DLGAP1: variants seen among roughly 807,000 people sequenced by gnomAD.
The protein encoded by DLGAP1 is disks large-associated protein 1.
In DLGAP1, 11 loss-of-function variants were observed where a neutral mutation model predicts 90.8. That is an observed-to-expected ratio of 0.12 (90% CI 0.08 to 0.20). The LOEUF (loss-of-function observed/expected upper bound fraction) is 0.20. DLGAP1 is among the 10% of genes least tolerant of loss of function. The pLI is 1.00. For synonymous variants in DLGAP1, 558 were observed against 540.7 expected, an observed-to-expected ratio of 1.03 and a Z score of -0.44; for missense variants, 1,050 against 1,333.8, an observed-to-expected ratio of 0.79 and a Z score of 3.31.
chr18:3,604,071 G>GT (rs1398436225), intron 7 of DLGAP1: 28 of 154,262 alleles, frequency 1.8e-4, no homozygotes, highest in African/African-American at 6.2e-4. Context: ...TCGTGAACTA[G>GT]TGATTGTGAA....
intron 3 of DLGAP1, among the ~76,000 whole-genome samples, chr18:3,987,979 A>G (rs1237802543): frequency 1.3e-5 from 2 of 152,186 alleles, no homozygotes; most frequent in Non-Finnish European, 2.9e-5. Context: ...GGATGATTCA[A>G]GCCCATTACA....
At chr18:4,304,984 G>T (rs1246369641) in intron 1 of DLGAP1, among the ~76,000 whole-genome samples, 1 of 151,070 alleles carries the variant, frequency 6.6e-6, no homozygotes, top group African/African-American at 2.4e-5. Context: ...TTCATTAAAA[G>T]TCATTCCTAA....
At chr18:3,550,563 G>T (rs986742060) in intron 9 of DLGAP1, among the ~76,000 whole-genome samples, 1 of 151,948 alleles carries the variant, frequency 6.6e-6, no homozygotes, top group Non-Finnish European at 1.5e-5. Flanking sequence ...CCCCAAGGGT[G>T]GGCTCTAATC....
At chr18:3,700,392 T>C (rs949481773) in intron 7 of DLGAP1, among the ~76,000 whole-genome samples, 6 of 152,100 alleles carry the variant, frequency 3.9e-5, no homozygotes, top group Admixed American at 3.3e-4. Flanking sequence ...CCTCAACCCC[T>C]TGTGCTTCCC....
At chr18:3,734,430 G>T (rs1004921050) in intron 6 of DLGAP1, among the ~76,000 whole-genome samples, 1 of 151,668 alleles carries the variant, frequency 6.6e-6, no homozygotes, top group African/African-American at 2.4e-5. Flanking sequence ...ATTTCTTTTT[G>T]ATTTTAAAAT....
chr18:3,502,057 A>C (rs2049968252), intron 12 of DLGAP1: 2 of 671,200 alleles, frequency 3.0e-6, no homozygotes, highest in African/African-American at 3.9e-5. Flanking sequence ...ATATTTATGA[A>C]ATGATTATCA....
At chr18:3,846,043 GGTGTGT>G (rs35460885) in intron 4 of DLGAP1, among the ~76,000 whole-genome samples, 5,197 of 145,098 alleles carry the variant, frequency 0.036, 125 homozygotes, top group Non-Finnish European at 0.054. Context: ...TTGAAAGTGT[GGTGTGT>G]GTGTGTGTGT....
At chr18:4,424,898 A>G (rs2083118972) in intron 1 of DLGAP1, among the ~76,000 whole-genome samples, 1 of 152,094 alleles carries the variant, frequency 6.6e-6, no homozygotes, top group South Asian at 2.1e-4. Context: ...CATCCATCTA[A>G]CATTTACTGC....
At chr18:3,848,509 C>T (rs1471679266) in intron 4 of DLGAP1, among the ~76,000 whole-genome samples, 1 of 152,124 alleles carries the variant, frequency 6.6e-6, no homozygotes, top group Admixed American at 6.5e-5. Context: ...CAGGTACCTG[C>T]CAACTTCACT....
intron 2 of DLGAP1, among the ~76,000 whole-genome samples, chr18:4,032,012 T>C (rs2074803940): frequency 1.3e-5 from 2 of 152,210 alleles, no homozygotes; most frequent in Admixed American, 1.3e-4. Flanking sequence ...AATTATCCCT[T>C]TTCTCTAGTT....
chr18:4,109,096 T>C lies in DLGAP1; in HGVS notation c.-159+42084A>G, dbSNP rs548837526. On this transcript the variant is annotated intron_variant, in intron 2 of 12. Coordinates refer to ENST00000315677, the MANE Select transcript of DLGAP1 (RefSeq NM_004746.4). ...AGTGTGGCTCATGACCTGGAAATGA[T>C]TATATTGTGGGAAGGATGTGCTAAT... Among the ~76,000 whole-genome samples, 20 of 152,190 alleles carry C rather than the reference T, an allele frequency of 1.3e-4. 1 individual carries two copies. The South Asian group carries it at 3.9e-3, about 30-fold the overall frequency.
At chr18:4,286,572 G>C (rs1467662150) in intron 1 of DLGAP1, among the ~76,000 whole-genome samples, 1 of 152,134 alleles carries the variant, frequency 6.6e-6, no homozygotes, top group Admixed American at 6.6e-5. Context: ...AAGCGTCAGA[G>C]GGTCTTGCTG....
At chr18:4,223,075 G>A (rs1201157384) in intron 1 of DLGAP1, among the ~76,000 whole-genome samples, 3 of 151,994 alleles carry the variant, frequency 2.0e-5, no homozygotes, top group Non-Finnish European at 4.4e-5. Flanking sequence ...TAGCAACATA[G>A]CAAGACCCCT....
intron 2 of DLGAP1, among the ~76,000 whole-genome samples, chr18:4,019,440 T>C (rs971856523): frequency 2.6e-5 from 4 of 152,210 alleles, no homozygotes; most frequent in Non-Finnish European, 5.9e-5. Context: ...TTACAAGATA[T>C]AATTTTTTAT....
chr18:4,072,474 CTTT>C (rs10578079), intron 2 of DLGAP1, among the ~76,000 whole-genome samples: 2 of 144,118 alleles, frequency 1.4e-5, no homozygotes, highest in African/African-American at 5.1e-5. Context: ...ACATCATTAT[CTTT>C]TTTTTTTTTT....
At chr18:4,450,332 G>T (rs1305767558) in intron 1 of DLGAP1, among the ~76,000 whole-genome samples, 1 of 152,112 alleles carries the variant, frequency 6.6e-6, no homozygotes, top group Non-Finnish European at 1.5e-5. Flanking sequence ...TAGAATGAGG[G>T]TTAGTGCCAG....
At position 4,342,288 on chromosome 18, in the gene DLGAP1, A is replaced by AT. The variant is rs11409404; in HGVS notation, c.-267+112717dup. Among the ~76,000 whole-genome samples, 1,319 of 152,114 alleles carry AT rather than the reference A, an allele frequency of 8.7e-3. 20 individuals are homozygous for AT. The highest frequency in any genetic ancestry group is 0.03 in the African/African-American group (1,234 of 41,496). On this transcript the variant is annotated intron_variant, in intron 1 of 12. Coordinates refer to ENST00000315677, the MANE Select transcript of DLGAP1 (RefSeq NM_004746.4). The surrounding 1 kb of genome is among the most constrained non-coding windows in gnomAD (Gnocchi z 5.8). Reference sequence around the variant, plus strand: ...GCTTGCATTTTAATGGTAGGCGAGGATTTTTTATATTAGATGTTACTTGTA... The same window carrying AT: ...GCTTGCATTTTAATGGTAGGCGAGGATTTTTTTATATTAGATGTTACTTGTA...
At chr18:4,195,791 G>T (rs1035966843) in intron 1 of DLGAP1, among the ~76,000 whole-genome samples, 2 of 152,148 alleles carry the variant, frequency 1.3e-5, no homozygotes, top group African/African-American at 4.8e-5. Flanking sequence ...AATGTCAGGT[G>T]ACTCACCCAC....
At chr18:4,109,171 C>T (rs934086454) in intron 2 of DLGAP1, among the ~76,000 whole-genome samples, 4 of 151,794 alleles carry the variant, frequency 2.6e-5, no homozygotes, top group African/African-American at 9.7e-5. Flanking sequence ...AACTGGCACT[C>T]GGGGTGTCCT....
Sources: allele counts gnomAD v4.1 joint callset (sites outside exome capture counted in the v4.1 genomes callset), GRCh38; gene constraint gnomAD v4.1.1; non-coding constraint Gnocchi (gnomAD v3.1); transcripts MANE v1.5; gene names NCBI Gene and HGNC (gene_info 2026-07-23, HGNC 2026-07-21).